ADH1A: variants seen among roughly 807,000 people sequenced by gnomAD.
The protein encoded by ADH1A is alcohol dehydrogenase 1A.
In ADH1A, 29 loss-of-function variants were observed where a neutral mutation model predicts 35.2. That is an observed-to-expected ratio of 0.82 (90% CI 0.61 to 1.12). The LOEUF is 1.12. ADH1A is among the 50% of genes most tolerant of loss of function. ADH1A has a pLI of 0.00. For synonymous variants in ADH1A, 147 were observed against 164.8 expected (o/e 0.89, Z 0.83); for missense variants, 469 against 464.7 (o/e 1.01, Z -0.09).
chr4:99,284,746 T>A lies in ADH1A; in HGVS notation c.317A>T (p.Asn106Ile). The A allele has an allele frequency of 1.9e-6, 3 of 1,614,092 alleles. No homozygotes were observed. The highest frequency in any genetic ancestry group is 1.7e-6 in the Non-Finnish European group (2 of 1,180,008). The change falls in exon 4 of 9, where the codon AAC becomes ATC. Residue 106 changes from asparagine (N) to isoleucine (I), a missense_variant. Coordinates refer to ENST00000209668, the MANE Select transcript of ADH1A (RefSeq NM_000667.4). ...TTTCAAGCAGTAGTTGCTCTCCGGG[T>A]TTTTACAAATTCTGCATTTTCCACA... ...PQCGKCRICK[N>I]PESNYCLKND...
At chr4:99,285,470 A>C (rs751763416) in intron 3 of ADH1A, among the ~76,000 whole-genome samples, 3 of 152,218 alleles carry the variant, frequency 2.0e-5, no homozygotes, top group Non-Finnish European at 4.4e-5. Context: ...ATAATTTGTG[A>C]ATTATCTACT....
At chr4:99,282,163 A>G in intron 6 of ADH1A, 183 bp downstream of exon 6, 3 of 1,168,770 alleles carry the variant, frequency 2.6e-6, no homozygotes, top group Non-Finnish European at 3.7e-6. Flanking sequence ...ACACGTTTGC[A>G]TAGTTGATAG....
In ADH1A at chr4:99,279,439, G is replaced by C; in HGVS notation, c.1090C>G (p.His364Asp). 6.2e-7 allele frequency: 1 copy of C among 1,602,110 alleles called. No homozygotes were observed. Among genetic ancestry groups the C allele is most frequent in the East Asian group, 2.2e-5 (1 of 44,548 alleles). ...EKINEGFDLL[H>D]SGKSIRTILM... is the part of the protein sequence containing the mutation. The stretch of plus-strand genomic sequence containing the variant: ...TAAAAAATCTACCTTTTCCCAGAGT[G>C]AAGCAGGTCAAATCCTTCATTTATT... The change falls in exon 8 of 9, where the codon CAC (histidine) becomes GAC (aspartate). Residue 364 changes from histidine to aspartate, a missense_variant. Transcript: ENST00000209668.
At chr4:99,288,140 C>T (rs1009329381) in intron 1 of ADH1A, among the ~76,000 whole-genome samples, 6 of 152,172 alleles carry the variant, frequency 3.9e-5, no homozygotes, top group African/African-American at 1.4e-4. Context: ...TATTTACCTT[C>T]CTGCCTGGGA....
intron 6 of ADH1A, 112 bp downstream of exon 6, chr4:99,282,234 A>G (rs1239538657): frequency 1.2e-6 from 2 of 1,600,478 alleles, no homozygotes; most frequent in Admixed American, 1.7e-5. Context: ...ATGATGGGAA[A>G]TTTCCATTCA....
At position 99,282,595 on chromosome 4, in the gene ADH1A, G is replaced by C; in HGVS notation, c.579C>G (p.Gly193=). Residue 193 remains glycine (G), a synonymous_variant, in exon 6 of 9, where the codon GGC becomes GGG. Coordinates refer to ENST00000209668, the MANE Select transcript of ADH1A (RefSeq NM_000667.4). ...SAVNVAKVTP[G]STCAVFGLGG... is the part of the protein sequence containing the mutation. ...CCAGGCCAAACACAGCACAGGTAGA[G>C]CCTGGGGTGACCTGTGTTTTCAGAA... 1 of 1,613,110 alleles carries C rather than the reference G, an allele frequency of 6.2e-7. No individual in the cohort carries two copies. The highest frequency in any genetic ancestry group is 8.5e-7 in the Non-Finnish European group (1 of 1,179,498).
At chr4:99,284,672 T>G (rs28364311) in intron 4 of ADH1A, 44 bp downstream of exon 4, 549,696 of 1,612,658 alleles carry the variant, frequency 0.34, 102,048 homozygotes, top group Non-Finnish European at 0.38. Context: ...CCATAACTAA[T>G]GTGCAAACTC....
intron 3 of ADH1A, 191 bp downstream of exon 3, chr4:99,286,659 A>C: frequency 2.2e-6 from 2 of 896,482 alleles, no homozygotes; most frequent in Non-Finnish European, 3.3e-6. Context: ...TGAAGGGTAG[A>C]ATACATGCGT....
chr4:99,285,438 G>A (rs1475607534), intron 3 of ADH1A, among the ~76,000 whole-genome samples: 2 of 152,120 alleles, frequency 1.3e-5, no homozygotes, highest in African/African-American at 2.4e-5. Flanking sequence ...GATAAGAACT[G>A]ACTTTGAAAT....
rs1365725699 is a variant in ADH1A at position 99,286,919 on chromosome 4, C to A, written c.190G>T (p.Val64Leu). ...VSGTMVTPLP[V>L]ILGHEAAGIV... ...CCGGCTGCCTCATGGCCTAAAATCA[C>A]AGGAAGTGGGGTCACCATGGTACCA... Residue 64 changes from valine (V) to leucine (L), a missense_variant, in exon 3 of 9, where the codon GTG becomes TTG. By Grantham distance (32) the Val-to-Leu change is conservative. Transcript: ENST00000209668. 1 of 1,614,182 alleles carries A rather than the reference C, an allele frequency of 6.2e-7. No individual in the cohort carries two copies. Among genetic ancestry groups the A allele is most frequent in the Admixed American group, 1.7e-5 (1 of 60,024 alleles).
intron 2 of ADH1A, 132 bp downstream of exon 2, chr4:99,287,432 T>G (rs1249391874): frequency 2.3e-6 from 2 of 874,452 alleles, no homozygotes; most frequent in Non-Finnish European, 3.4e-6. Context: ...ATTTAAAAAT[T>G]TATATTTATA....
In ADH1A at chr4:99,286,566, G is replaced by A. The variant is rs1013401784; in HGVS notation, c.259+284C>T. 3 of 395,090 alleles carry A rather than the reference G, an allele frequency of 7.6e-6. No individual in the cohort carries two copies. In the South Asian group the frequency reaches 1.2e-4, roughly 16 times the overall value. 24.5% of individuals were successfully genotyped at this position (395,090 alleles called of 1,614,324 possible). On this transcript the variant is annotated intron_variant, in intron 3 of 8. Transcript: ENST00000209668. ...TAGATTATGAATGCCACACTAGTAG[G>A]CACTGTGTCCCTTTTGATCCTCACA...
At position 99,278,894 on chromosome 4, in the gene ADH1A, T is replaced by C. The variant is rs28364334; in HGVS notation, c.1103+532A>G. ...TATACTTCTCTTTTATAATAACTTT[T>C]ATTGATAAAAAAATTTTTGTAAACT... is the stretch of plus-strand genomic sequence containing the variant. On this transcript the variant is annotated intron_variant, in intron 8 of 8. Transcript: ENST00000209668. 4.0e-3 allele frequency among the ~76,000 whole-genome samples: 602 copies of C among 152,176 alleles called. 2 individuals carry two copies. Among genetic ancestry groups the C allele is most frequent in the African/African-American group, 0.014 (563 of 41,522 alleles).
chr4:99,286,750 T>C (rs1333292266), intron 3 of ADH1A, 100 bp downstream of exon 3: 1 of 1,546,934 alleles, frequency 6.5e-7, no homozygotes, highest in Non-Finnish European at 8.7e-7. Context: ...GCGGTGACCT[T>C]GGTCAAGCCC....
chr4:99,286,936 A>G lies in ADH1A; in HGVS notation c.173T>C (p.Met58Thr). Residue 58 changes from methionine (M) to threonine (T), a missense_variant, in exon 3 of 9, where the codon ATG becomes ACG. By Grantham distance (81) the Met-to-Thr change is moderately conservative. Transcript: ENST00000209668. The stretch of plus-strand genomic sequence containing the variant: ...TAAAATCACAGGAAGTGGGGTCACC[A>G]TGGTACCACTAACCACGTGGTCATC... ...GTDDHVVSGT[M>T]VTPLPVILGH... 1.2e-6 allele frequency: 2 copies of G among 1,614,172 alleles called. No homozygotes were observed. Among genetic ancestry groups the G allele is most frequent in the Non-Finnish European group, 1.7e-6 (2 of 1,180,020 alleles).
At chr4:99,286,298 A>G (rs1440596504) in intron 3 of ADH1A, among the ~76,000 whole-genome samples, 1 of 152,010 alleles carries the variant, frequency 6.6e-6, no homozygotes, top group East Asian at 1.9e-4. Flanking sequence ...ATTTCCTTTC[A>G]CCTAGTCTGC....
intron 6 of ADH1A, chr4:99,282,096 C>G (rs1431284428): frequency 3.1e-5 from 19 of 609,450 alleles, no homozygotes; most frequent in Non-Finnish European, 1.4e-5. Flanking sequence ...AATCTATTAT[C>G]ACTCAGTTAA....
intron 8 of ADH1A, among the ~76,000 whole-genome samples, 178 bp from the exon 9 acceptor site, chr4:99,276,826 T>C (rs779193358): frequency 2.0e-5 from 3 of 152,146 alleles, no homozygotes; most frequent in East Asian, 3.8e-4. Flanking sequence ...GGTTTTCTCT[T>C]GTGTTTTCTT....
chr4:99,278,200 T>C (rs1732913529), intron 8 of ADH1A, among the ~76,000 whole-genome samples: 2 of 152,158 alleles, frequency 1.3e-5, no homozygotes, highest in Admixed American at 6.6e-5. Context: ...ATATTTGCCA[T>C]CATCTTTTCA....
Sources: gnomAD v4.1 joint callset for allele counts (sites outside exome capture counted in the v4.1 genomes callset) on GRCh38, gnomAD v4.1.1 for gene constraint, MANE v1.5 for transcripts, NCBI Gene and HGNC (gene_info 2026-07-23, HGNC 2026-07-21) for gene names.